The following PRKCH variants were observed in gnomAD, a reference collection of about 807,000 sequenced individuals.
PRKCH encodes protein kinase C eta.
A neutral mutation model predicts 82.5 loss-of-function variants in PRKCH; 28 were observed. The ratio of observed to expected loss-of-function variants is 0.34; its 90% confidence interval spans 0.25 to 0.47. PRKCH has a LOEUF of 0.47. PRKCH is among the 20% of genes least tolerant of loss of function. The probability of loss-of-function intolerance (pLI) is 1.00; values close to 1 mark genes in which losing one functional copy is unlikely to be tolerated. For missense variants in PRKCH, 705 were observed against 881.8 expected (o/e 0.80, Z 2.54); for synonymous variants, 322 against 327.4 (o/e 0.98, Z 0.18).
At chr14:61,257,579 TCC>T (rs1315512698) in intron 1 of PRKCH, among the ~76,000 whole-genome samples, 1 of 149,650 alleles carries the variant, frequency 6.7e-6, no homozygotes. Flanking sequence ...AAGATCTTTC[TCC>T]CTCTCTCTCT....
At chr14:61,353,472 C>T (rs2046108654) in intron 1 of PRKCH, 1 of 152,132 alleles carries the variant, frequency 6.6e-6, no homozygotes, top group African/African-American at 2.4e-5. Context: ...TTCATACACA[C>T]TTAAAATTTT....
At chr14:61,446,938 G>A (rs2140281352) in intron 4 of PRKCH, among the ~76,000 whole-genome samples, 1 of 152,318 alleles carries the variant, frequency 6.6e-6, no homozygotes, top group East Asian at 1.9e-4. Context: ...CTGGATATTT[G>A]ATGGCCTGAT....
chr14:61,233,110 T>A (rs1193534811), intron 1 of PRKCH, among the ~76,000 whole-genome samples: 3 of 152,196 alleles, frequency 2.0e-5, no homozygotes, highest in Non-Finnish European at 2.9e-5. Flanking sequence ...GTCCACCATA[T>A]GGTATGAATA....
chr14:61,248,768 G>A (rs1309069821), intron 1 of PRKCH, among the ~76,000 whole-genome samples: 1 of 100,644 alleles, frequency 9.9e-6, no homozygotes, highest in Admixed American at 1.0e-4. Context: ...ATGTATGTAT[G>A]TATGTATGTA....
intron 10 of PRKCH, among the ~76,000 whole-genome samples, chr14:61,512,810 GT>G (rs775784446): frequency 6.6e-6 from 1 of 152,046 alleles, no homozygotes; most frequent in East Asian, 1.9e-4. Flanking sequence ...TGTTTTGGGG[GT>G]TTTTTAAATA....
intron 1 of PRKCH, among the ~76,000 whole-genome samples, chr14:61,253,988 TC>T (rs1459979893): frequency 2.3e-5 from 1 of 44,060 alleles, no homozygotes; most frequent in African/African-American, 8.2e-5. Context: ...CCTCCCTCCC[TC>T]CCTCCCTCCC....
At chr14:61,326,807 T>C (rs764153) in intron 1 of PRKCH, 184,791 of 192,284 alleles carry the variant, frequency 0.96, 89,254 homozygotes, top group East Asian at 1. Context: ...TTTTTGGACA[T>C]GGTCTCATTT....
chr14:61,447,340 A>G (rs1043726745), intron 4 of PRKCH, among the ~76,000 whole-genome samples: 1 of 152,244 alleles, frequency 6.6e-6, no homozygotes, highest in Admixed American at 6.5e-5. Context: ...GAACAAATCC[A>G]CTTCTATAGT....
intron 1 of PRKCH, among the ~76,000 whole-genome samples, chr14:61,232,718 T>C (rs1308156822): frequency 1.3e-5 from 2 of 152,158 alleles, no homozygotes; most frequent in Non-Finnish European, 2.9e-5. Flanking sequence ...AAAGCTTCAT[T>C]ACATAGGCCT....
At chr14:61,536,931 T>C (rs918274449) in intron 12 of PRKCH, among the ~76,000 whole-genome samples, 2 of 152,196 alleles carry the variant, frequency 1.3e-5, no homozygotes, top group Non-Finnish European at 1.5e-5. Context: ...ACATTTCCTA[T>C]AGACGTGGGT....
Position 61,203,668 on chromosome 14 carries a change from G to A in PRKCH, c.-19+16000G>A, listed in dbSNP as rs368337918. Among the ~76,000 whole-genome samples, 8 of 152,082 alleles carry A rather than the reference G, an allele frequency of 5.3e-5. No homozygotes were observed. The East Asian group carries it at 7.7e-4, about 15-fold the overall frequency. ...AAGTGTTTTTCAAATATTTTTTACC[G>A]TGACCTACGGTAAGAACATATTTCA... On this transcript the variant is annotated intron_variant, in intron 1 of 3. Coordinates refer to the PRKCH transcript ENST00000555185.
chr14:61,534,515 G>T (rs2043082691), intron 12 of PRKCH, among the ~76,000 whole-genome samples: 1 of 152,188 alleles, frequency 6.6e-6, no homozygotes, highest in African/African-American at 2.4e-5. Flanking sequence ...CATGTGAATA[G>T]TTGAATCCAT....
At chr14:61,355,318 G>A (rs2046134080) in intron 1 of PRKCH, among the ~76,000 whole-genome samples, 1 of 149,312 alleles carries the variant, frequency 6.7e-6, no homozygotes, top group African/African-American at 2.5e-5. Flanking sequence ...TGACATGTTG[G>A]TTATCTTTGT....
chr14:61,441,653 T>C (rs1172699778), intron 2 of PRKCH, among the ~76,000 whole-genome samples: 3 of 152,122 alleles, frequency 2.0e-5, no homozygotes, highest in African/African-American at 7.2e-5. Context: ...CTGTGTATTA[T>C]AAATAGTAAC....
At chr14:61,343,458 A>C (rs1409220218) in intron 1 of PRKCH, among the ~76,000 whole-genome samples, 1 of 151,566 alleles carries the variant, frequency 6.6e-6, no homozygotes, top group Non-Finnish European at 1.5e-5. Context: ...AAAGGACTGG[A>C]CTCTAAGGAA....
At chr14:61,441,072 T>A (rs1171628416) in intron 2 of PRKCH, among the ~76,000 whole-genome samples, 4 of 126,326 alleles carry the variant, frequency 3.2e-5, no homozygotes, top group Admixed American at 1.7e-4. Context: ...TTTTTTAAAA[T>A]TTTTTTTGGT....
At chr14:61,501,712 A>T (rs1371253378) in intron 10 of PRKCH, among the ~76,000 whole-genome samples, 1 of 152,150 alleles carries the variant, frequency 6.6e-6, no homozygotes, top group Non-Finnish European at 1.5e-5. Context: ...TCATTTATTG[A>T]CTAAAGAGCA....
chr14:61,466,427 G>A (rs971106343), intron 9 of PRKCH, among the ~76,000 whole-genome samples: 1 of 152,112 alleles, frequency 6.6e-6, no homozygotes, highest in East Asian at 1.9e-4. Flanking sequence ...TGGAATCCAG[G>A]CCTCCCATCC....
chr14:61,240,975 A>G (rs2044831938), intron 1 of PRKCH, among the ~76,000 whole-genome samples: 1 of 152,278 alleles, frequency 6.6e-6, no homozygotes, highest in East Asian at 1.9e-4. Flanking sequence ...TTCTGACACT[A>G]TGTACCTGGA....
Sources: gnomAD v4.1 joint callset for allele counts (sites outside exome capture counted in the v4.1 genomes callset) on GRCh38, gnomAD v4.1.1 for gene constraint, MANE v1.5 for transcripts, NCBI Gene and HGNC (gene_info 2026-07-23, HGNC 2026-07-21) for gene names.